TULP4: variants seen among roughly 807,000 people sequenced by gnomAD.
The protein encoded by TULP4 is TUB like protein 4, also known as tubby-related protein 4.
In TULP4, 16 loss-of-function variants were observed where a neutral mutation model predicts 129.0. The ratio of observed to expected loss-of-function variants is 0.12; its 90% CI spans 0.08 to 0.19. The LOEUF is 0.19. Ranked by LOEUF, TULP4 falls within the 10% of genes least tolerant of loss-of-function variation. The pLI, the probability that TULP4 is intolerant of heterozygous loss-of-function variation, is 1.00. For synonymous variants in TULP4, 998 were observed against 854.0 expected (o/e 1.17, Z -2.94); for missense variants, 1,842 against 2,059.1 (o/e 0.89, Z 2.04).
chr6:158,494,517 A>G (rs951011777), intron 10 of TULP4, among the ~76,000 whole-genome samples: 1 of 152,094 alleles, frequency 6.6e-6, no homozygotes, highest in African/African-American at 2.4e-5. Flanking sequence ...GTGGACATAC[A>G]TACTGGGACA....
intron 1 of TULP4, among the ~76,000 whole-genome samples, chr6:158,271,361 G>C (rs192403381): frequency 6.6e-6 from 1 of 152,132 alleles, no homozygotes; most frequent in Admixed American, 6.6e-5. Flanking sequence ...TGAGGAGGAA[G>C]GGCAAGGAGA....
In TULP4 at chr6:158,235,326, T is replaced by C. The variant is rs563263090; in HGVS notation, n.68+3023T>C. On this transcript the variant is annotated intron_variant and non_coding_transcript_variant, in intron 1 of 1. Coordinates refer to the TULP4 transcript ENST00000620026. ...GACCTGTTAAACCCCAACTCTTTCT[T>C]TTCCCCTCCCTGCAGCCCCTGGAAA... Among the ~76,000 whole-genome samples the C allele has an allele frequency of 2.6e-5, 4 of 152,312 alleles. No homozygotes were observed. The South Asian group carries it at 8.3e-4, about 32-fold the overall frequency.
chr6:158,256,908 C>CAGA (rs1204725181), intron 1 of TULP4, among the ~76,000 whole-genome samples: 1 of 152,044 alleles, frequency 6.6e-6, no homozygotes. Flanking sequence ...ATTGGTGTTT[C>CAGA]AGGTGGCAGC....
chr6:158,314,107 A>G lies in TULP4; in HGVS notation c.91A>G (p.Lys31Glu). Reference sequence around the variant, plus strand: ...GAAGGGGCGTGTCCCCAAGAGTGAGAAGGAGAAGCCTGTGTGCAGGAGACG... The same window carrying G: ...GAAGGGGCGTGTCCCCAAGAGTGAGGAGGAGAAGCCTGTGTGCAGGAGACG... ...SWKGRVPKSE[K>E]EKPVCRRRYY... The change falls in exon 1 of 14, where the codon AAG (lysine) becomes GAG (glutamate). Residue 31 changes from lysine to glutamate, a missense_variant. This residue lies in a region of TULP4 where 151 missense variants were observed against 268.7 expected (regional missense o/e 0.56). Transcript: ENST00000367097. The G allele has an allele frequency of 6.2e-7, 1 of 1,614,192 alleles. No homozygotes were observed.
intron 3 of TULP4, among the ~76,000 whole-genome samples, chr6:158,436,664 T>C (rs1778760483): frequency 6.6e-6 from 1 of 152,238 alleles, no homozygotes; most frequent in South Asian, 2.1e-4. Context: ...TTATAAATAC[T>C]AAACCTTTTT....
At chr6:158,336,700 A>T (rs1037910260) in intron 1 of TULP4, among the ~76,000 whole-genome samples, 1 of 152,206 alleles carries the variant, frequency 6.6e-6, no homozygotes, top group Non-Finnish European at 1.5e-5. Flanking sequence ...AATGCCTTCT[A>T]AAAATAGATA....
chr6:158,279,743 G>C (rs1007295320), upstream of TULP4, among the ~76,000 whole-genome samples: 3 of 152,300 alleles, frequency 2.0e-5, no homozygotes, highest in Non-Finnish European at 4.4e-5. Flanking sequence ...CGCTAGAATG[G>C]TGTAGGTCCT....
At chr6:158,339,545 C>T (rs1320181248) in intron 1 of TULP4, among the ~76,000 whole-genome samples, 1 of 152,098 alleles carries the variant, frequency 6.6e-6, no homozygotes, top group African/African-American at 2.4e-5. Context: ...GCAGACACTC[C>T]TAGGGTGGCC....
intron 1 of TULP4, among the ~76,000 whole-genome samples, chr6:158,358,409 A>G (rs887139962): frequency 1.3e-5 from 2 of 152,196 alleles, no homozygotes; most frequent in African/African-American, 2.4e-5. Context: ...CTTGTGGTAT[A>G]TTTACTTAGC....
At chr6:158,297,621 T>C (rs775246411) in intron 1 of TULP4, among the ~76,000 whole-genome samples, 9 of 152,342 alleles carry the variant, frequency 5.9e-5, no homozygotes, top group Non-Finnish European at 1.0e-4. Flanking sequence ...TTTTAGGAAC[T>C]GATATATGTC....
intron 2 of TULP4, among the ~76,000 whole-genome samples, chr6:158,421,663 C>T (rs999160217): frequency 1.3e-5 from 2 of 152,060 alleles, no homozygotes; most frequent in East Asian, 3.9e-4. Context: ...AAAGATCTAG[C>T]GATGTTAATA....
At chr6:158,310,626 G>A (rs571022829), upstream of TULP4, 8 of 152,276 alleles carry the variant, frequency 5.3e-5, no homozygotes, top group Admixed American at 5.2e-4. Context: ...ACATTCATGA[G>A]GGACTGCCCC....
chr6:158,503,401 A>C lies in TULP4; in HGVS notation c.3738A>C (p.Gly1246=). The change falls in exon 13 of 14, where the codon GGA becomes GGC. Residue 1246 remains glycine, a synonymous_variant. Transcript: ENST00000367097. This position sits in a 1 kb window ranked among gnomAD's most constrained non-coding sequence, Gnocchi z 4.3. ...GCACCCTGCCCCCCATGTACCCAGG[A>C]AGCAGCACGTGCTCTAGTTTACAGC... The part of the protein sequence containing the change: ...SYCTLPPMYP[G]SSTCSSLQLP... The C allele has an allele frequency of 1.2e-6, 2 of 1,613,862 alleles. No individual in the cohort carries two copies. Among genetic ancestry groups the C allele is most frequent in the Non-Finnish European group, 1.7e-6 (2 of 1,180,012 alleles).
intron 1 of TULP4, among the ~76,000 whole-genome samples, chr6:158,328,588 G>A (rs1779801678): frequency 6.6e-6 from 1 of 152,142 alleles, no homozygotes; most frequent in Non-Finnish European, 1.5e-5. Flanking sequence ...CAGGGGAGAG[G>A]AGTGCCCTCA....
chr6:158,338,739 A>G (rs1780103899), intron 1 of TULP4, among the ~76,000 whole-genome samples: 1 of 152,224 alleles, frequency 6.6e-6, no homozygotes, highest in South Asian at 2.1e-4. Flanking sequence ...TAGAGCCAGG[A>G]CCAGAGAGGG....
At chr6:158,370,511 T>TGACA (rs1777048817) in intron 1 of TULP4, among the ~76,000 whole-genome samples, 1 of 136,340 alleles carries the variant, frequency 7.3e-6, no homozygotes. Context: ...CCAGCCTGAA[T>TGACA]GACAGAGCAA....
intron 1 of TULP4, among the ~76,000 whole-genome samples, chr6:158,412,765 G>T (rs1279581194): frequency 6.6e-6 from 1 of 152,172 alleles, no homozygotes; most frequent in African/African-American, 2.4e-5. Context: ...ACTAGCAGAT[G>T]AAGGACCATC....
At chr6:158,310,841 A>T (rs1779334206), upstream of TULP4, among the ~76,000 whole-genome samples, 1 of 152,184 alleles carries the variant, frequency 6.6e-6, no homozygotes. Flanking sequence ...GAAGTACTTT[A>T]TGTGTACCTA....
chr6:158,310,971 T>A (rs1779336620), upstream of TULP4, among the ~76,000 whole-genome samples: 1 of 152,166 alleles, frequency 6.6e-6, no homozygotes, highest in Non-Finnish European at 1.5e-5. Flanking sequence ...TTTTTTTCTT[T>A]CTTTTTTTTA....
Sources: allele counts gnomAD v4.1 joint callset (sites outside exome capture counted in the v4.1 genomes callset), GRCh38; gene constraint gnomAD v4.1.1; regional missense constraint gnomAD v4.1.1; non-coding constraint Gnocchi (gnomAD v3.1); transcripts MANE v1.5; gene names NCBI Gene and HGNC (gene_info 2026-07-23, HGNC 2026-07-21).